Variants in PTN observed in about 807,000 individuals in gnomAD.
PTN encodes the protein pleiotrophin.
A neutral mutation model predicts 24.1 loss-of-function variants in PTN; 18 were observed. The observed-to-expected ratio is 0.75, with a 90% CI of 0.52 to 1.11. The LOEUF (loss-of-function observed/expected upper bound fraction) is 1.11. Ranked by LOEUF, PTN falls within the 50% of genes least tolerant of loss-of-function variation. The pLI is 0.00. For synonymous variants in PTN, 78 were observed against 68.6 expected, an observed-to-expected ratio of 1.14 and a Z score of -0.67; for missense variants, 163 against 198.8, an observed-to-expected ratio of 0.82 and a Z score of 1.08.
At chr7:137,286,935 GT>G (rs1809564991) in intron 1 of PTN, among the ~76,000 whole-genome samples, 1 of 152,166 alleles carries the variant, frequency 6.6e-6, no homozygotes, top group African/African-American at 2.4e-5. Context: ...TTAATTTGCA[GT>G]TAATAGACTA....
chr7:137,228,255 G>GTGTCTGTC (rs955623175), intron 4 of PTN, among the ~76,000 whole-genome samples, 180 bp from the exon 5 acceptor site: 1 of 151,786 alleles, frequency 6.6e-6, no homozygotes, highest in Admixed American at 6.6e-5. Context: ...GTGTGTGTGT[G>GTGTCTGTC]TGTCTGTCTG....
intron 1 of PTN, among the ~76,000 whole-genome samples, chr7:137,317,963 C>G (rs1259566010): frequency 6.6e-6 from 1 of 152,100 alleles, no homozygotes; most frequent in Non-Finnish European, 1.5e-5. Context: ...AGACTTGACC[C>G]TTTCTTTACA....
intron 1 of PTN, among the ~76,000 whole-genome samples, chr7:137,276,893 G>A (rs1181059661): frequency 6.6e-6 from 1 of 152,112 alleles, no homozygotes; most frequent in African/African-American, 2.4e-5. Flanking sequence ...AGAAATATCA[G>A]AGCCTTAATG....
chr7:137,319,965 A>G (rs897195448), intron 1 of PTN, among the ~76,000 whole-genome samples: 2 of 152,176 alleles, frequency 1.3e-5, no homozygotes, highest in Non-Finnish European at 2.9e-5. Flanking sequence ...TCTGCTAATT[A>G]AGAGGCCACA....
chr7:137,284,153 A>G (rs1486530719), intron 1 of PTN, among the ~76,000 whole-genome samples: 1 of 151,370 alleles, frequency 6.6e-6, no homozygotes, highest in African/African-American at 2.4e-5. Flanking sequence ...ATTTTTTAGT[A>G]GAGACAGGGT....
chr7:137,324,019 A>T (rs1585045022), intron 1 of PTN, among the ~76,000 whole-genome samples: 1 of 152,264 alleles, frequency 6.6e-6, no homozygotes, highest in East Asian at 1.9e-4. Context: ...ATGAAGAAAT[A>T]GAAGCCTGAA....
chr7:137,264,173 TACAGTTCCTCCACAA>T (rs1272413228), intron 1 of PTN, among the ~76,000 whole-genome samples: 1 of 152,180 alleles, frequency 6.6e-6, no homozygotes, highest in African/African-American at 2.4e-5. Flanking sequence ...GATCTCCTGT[TACAGTTCCTCCACAA>T]ACATAACATT....
At chr7:137,232,387 T>C (rs911225597) in intron 4 of PTN, among the ~76,000 whole-genome samples, 1 of 151,934 alleles carries the variant, frequency 6.6e-6, no homozygotes, top group Non-Finnish European at 1.5e-5. Context: ...TGATAGAGGC[T>C]AGTACTCATA....
chr7:137,253,763 A>G, intron 2 of PTN, 126 bp from the exon 3 acceptor site: 1 of 785,438 alleles, frequency 1.3e-6, no homozygotes, highest in East Asian at 3.0e-5. Flanking sequence ...CTTATTGTCT[A>G]ATGAATAGTA....
At chr7:137,264,262 C>T (rs1252332740) in intron 1 of PTN, among the ~76,000 whole-genome samples, 2 of 152,096 alleles carry the variant, frequency 1.3e-5, no homozygotes, top group Non-Finnish European at 2.9e-5. Context: ...TTTAGAGTCC[C>T]GGTACACTTA....
At chr7:137,240,759 C>CTAAAATTCA (rs1808614751) in intron 4 of PTN, among the ~76,000 whole-genome samples, 1 of 152,142 alleles carries the variant, frequency 6.6e-6, no homozygotes, top group Admixed American at 6.5e-5. Context: ...CAGGGTGGGT[C>CTAAAATTCA]TAAAATTCAT....
chr7:137,283,635 C>G (rs1478208729), intron 1 of PTN, among the ~76,000 whole-genome samples: 1 of 152,144 alleles, frequency 6.6e-6, no homozygotes, highest in Non-Finnish European at 1.5e-5. Context: ...AGGATACCCA[C>G]CCCCATCCAC....
intron 1 of PTN, among the ~76,000 whole-genome samples, chr7:137,263,643 G>A (rs1191371974): frequency 1.3e-5 from 2 of 152,090 alleles, no homozygotes; most frequent in African/African-American, 2.4e-5. Flanking sequence ...GATTTGCTTA[G>A]GGGGCTATTC....
At chr7:137,279,880 G>A (rs2128875802) in intron 1 of PTN, among the ~76,000 whole-genome samples, 1 of 152,296 alleles carries the variant, frequency 6.6e-6, no homozygotes, top group South Asian at 2.1e-4. Context: ...CATAGTACAG[G>A]TCAAACATTA....
chr7:137,227,956 T>G lies in PTN; in HGVS notation c.*64A>C, dbSNP rs149317623. 2,368 of 1,584,724 alleles carry G rather than the reference T, an allele frequency of 1.5e-3. 1 individual carries two copies. Among genetic ancestry groups the G allele is most frequent in the Non-Finnish European group, 2.0e-3 (2,298 of 1,168,802 alleles). On this transcript the variant is annotated 3_prime_UTR_variant, in exon 5 of 5. Transcript: ENST00000348225. The stretch of plus-strand genomic sequence containing the variant: ...TTGAATACAAAGCCTACGGTACATA[T>G]AAATGCAATAGTTAACTGATCCTGT...
chr7:137,315,405 G>A (rs182187142), intron 1 of PTN, among the ~76,000 whole-genome samples: 1 of 151,894 alleles, frequency 6.6e-6, no homozygotes, highest in East Asian at 1.9e-4. Flanking sequence ...AACCACAGAT[G>A]AGGACTTACC....
At chr7:137,278,135 G>A (rs1204518056) in intron 1 of PTN, among the ~76,000 whole-genome samples, 1 of 150,450 alleles carries the variant, frequency 6.6e-6, no homozygotes, top group African/African-American at 2.4e-5. Flanking sequence ...GTGAAACCCC[G>A]TCTCTACTAA....
intron 1 of PTN, among the ~76,000 whole-genome samples, chr7:137,337,555 T>A (rs1431987212): frequency 5.3e-5 from 8 of 152,220 alleles, no homozygotes; most frequent in Non-Finnish European, 5.9e-5. Flanking sequence ...ACTAGCTTTG[T>A]CACTTTGAAT....
At chr7:137,295,652 T>A (rs1809707877) in intron 1 of PTN, among the ~76,000 whole-genome samples, 1 of 152,112 alleles carries the variant, frequency 6.6e-6, no homozygotes, top group Non-Finnish European at 1.5e-5. Flanking sequence ...ATATATTGGA[T>A]TAAATAAAAT....
Sources: allele counts gnomAD v4.1 joint callset (sites outside exome capture counted in the v4.1 genomes callset), GRCh38; gene constraint gnomAD v4.1.1; transcripts MANE v1.5; gene names NCBI Gene and HGNC (gene_info 2026-07-23, HGNC 2026-07-21).